ARHGAP15: variants seen among roughly 807,000 people sequenced by gnomAD.
ARHGAP15 encodes the protein rho GTPase-activating protein 15.
In ARHGAP15, 51 loss-of-function variants were observed where a neutral mutation model predicts 63.7. That is an observed-to-expected ratio of 0.80 (90% CI 0.64 to 1.01). The LOEUF (loss-of-function observed/expected upper bound fraction) is 1.01. Ranked by LOEUF, ARHGAP15 falls within the 50% of genes least tolerant of loss-of-function variation. The pLI is 0.00. For synonymous variants in ARHGAP15, 191 were observed against 193.8 expected, an observed-to-expected ratio of 0.99 and a Z score of 0.12; for missense variants, 560 against 564.6, an observed-to-expected ratio of 0.99 and a Z score of 0.08.
intron 9 of ARHGAP15, among the ~76,000 whole-genome samples, chr2:143,505,967 T>TC (rs1189971035): frequency 6.6e-6 from 1 of 152,194 alleles, no homozygotes; most frequent in East Asian, 1.9e-4. Context: ...TGAAAGAGAC[T>TC]CCATTATTGA....
At position 143,587,794 on chromosome 2, in the gene ARHGAP15, A is replaced by G. The variant is rs768913792; in HGVS notation, c.1003+31309A>G. 95 of 467,666 alleles carry G rather than the reference A, an allele frequency of 2.0e-4. 1 individual carries two copies. The highest frequency in any genetic ancestry group is 2.2e-4 in the Non-Finnish European group (50 of 225,860). 29.0% of individuals were successfully genotyped at this position (467,666 alleles called of 1,614,324 possible). ...GTCATTTGACCTCCAGAGCAAGCCA[A>G]TAATTTGTCACTTCATTAAACTGGT... On this transcript the variant is annotated intron_variant, in intron 11 of 13. Coordinates refer to ENST00000295095, the MANE Select transcript of ARHGAP15 (RefSeq NM_018460.4).
intron 2 of ARHGAP15, among the ~76,000 whole-genome samples, chr2:143,189,510 T>A (rs1189718623): frequency 6.9e-6 from 1 of 145,162 alleles, no homozygotes; most frequent in African/African-American, 2.6e-5. Context: ...TTCTTTTTTT[T>A]TTTTTTGGGA....
chr2:143,178,700 C>A (rs1691105912), intron 2 of ARHGAP15, among the ~76,000 whole-genome samples: 2 of 152,112 alleles, frequency 1.3e-5, no homozygotes, highest in Non-Finnish European at 2.9e-5. Context: ...CTCAAGCAAT[C>A]CTCCCGCCTC....
rs1553470686 is a variant in ARHGAP15 at position 143,373,001 on chromosome 2, AAT to A, written c.475-62599_475-62598del. Among the ~76,000 whole-genome samples, 568 of 150,518 alleles carry A rather than the reference AAT, an allele frequency of 3.8e-3. 4 individuals carry two copies. The highest frequency in any genetic ancestry group is 0.013 in the African/African-American group (518 of 40,902). ...TCTCCTCTTAAAAAAAAAAAAAAAAAATCTAGTGAGGGAGATACACATTTAAG... is the reference window on the plus strand; with the variant it reads ...TCTCCTCTTAAAAAAAAAAAAAAAAACTAGTGAGGGAGATACACATTTAAG... On this transcript the variant is annotated intron_variant, in intron 6 of 13. Coordinates refer to ENST00000295095, the MANE Select transcript of ARHGAP15 (RefSeq NM_018460.4).
At chr2:143,321,530 G>A (rs886071997) in intron 6 of ARHGAP15, among the ~76,000 whole-genome samples, 1 of 152,224 alleles carries the variant, frequency 6.6e-6, no homozygotes. Context: ...TGGCCTTGCC[G>A]TGGTCACCTG....
intron 6 of ARHGAP15, among the ~76,000 whole-genome samples, chr2:143,367,881 A>G (rs1686365028): frequency 6.6e-6 from 1 of 152,050 alleles, no homozygotes; most frequent in South Asian, 2.1e-4. Context: ...GCTTAACTAA[A>G]TAAATAATTA....
rs771763601 is a variant in ARHGAP15, at chr2:143,563,195, G to A, written c.1003+6710G>A. Among the ~76,000 whole-genome samples the A allele has an allele frequency of 2.6e-5, 4 of 152,286 alleles. No individual in the cohort carries two copies. In the South Asian group the frequency reaches 6.2e-4, roughly 24 times the overall value. On this transcript the variant is annotated intron_variant, in intron 11 of 13. Coordinates refer to ENST00000295095, the MANE Select transcript of ARHGAP15 (RefSeq NM_018460.4). ...CCAAAATGGGAAAAATAATGGAAAT[G>A]TGAGGACTTTAAAAAGTGAATCAGC...
intron 6 of ARHGAP15, among the ~76,000 whole-genome samples, chr2:143,308,707 C>T (rs1257069589): frequency 5.9e-5 from 9 of 151,698 alleles, no homozygotes; most frequent in East Asian, 5.8e-4. Context: ...GAGAAGTGCA[C>T]GTTAGTTATT....
At chr2:143,419,583 ATATGT>A (rs141942547) in intron 6 of ARHGAP15, among the ~76,000 whole-genome samples, 1,661 of 151,894 alleles carry the variant, frequency 0.011, 29 homozygotes, top group African/African-American at 0.039. Context: ...AGCCTTCATG[ATATGT>A]TAAAAAAAAT....
At chr2:143,577,161 A>T (rs1021239569) in intron 11 of ARHGAP15, among the ~76,000 whole-genome samples, 31 of 152,246 alleles carry the variant, frequency 2.0e-4, no homozygotes, top group Admixed American at 6.5e-4. Flanking sequence ...GAAAAAATAG[A>T]TGAAACCTAC....
chr2:143,260,893 A>G (rs1306633027), intron 6 of ARHGAP15, among the ~76,000 whole-genome samples: 1 of 152,156 alleles, frequency 6.6e-6, no homozygotes, highest in East Asian at 1.9e-4. Context: ...AAGGATATGA[A>G]CAACAACAAC....
Position 143,487,355 on chromosome 2 carries a change from A to AT in ARHGAP15, c.704-11dup, listed in dbSNP as rs746794987. ...AGGAGAAATTTACCAAAAGCCTCTG[A>AT]TTTTTTTAAATCTTCAGTGTTCAGA... On this transcript the variant is annotated splice_polypyrimidine_tract_variant and intron_variant, in intron 8 of 13. Transcript: ENST00000295095. The AT allele has an allele frequency of 1.7e-5, 27 of 1,588,232 alleles. No individual in the cohort carries two copies. The highest frequency in any genetic ancestry group is 3.4e-4 in the Middle Eastern group (2 of 5,914).
chr2:143,364,097 G>A (rs1686183652), intron 6 of ARHGAP15, among the ~76,000 whole-genome samples: 1 of 152,020 alleles, frequency 6.6e-6, no homozygotes, highest in South Asian at 2.1e-4. Flanking sequence ...ATTTGATGTT[G>A]TCTTAAGAGG....
chr2:143,518,974 C>G (rs2104982010), intron 9 of ARHGAP15: 1 of 199,648 alleles, frequency 5.0e-6, no homozygotes, highest in Admixed American at 5.7e-5. Flanking sequence ...AATTCTTTGT[C>G]TTTCCTTTAT....
intron 12 of ARHGAP15, among the ~76,000 whole-genome samples, chr2:143,686,724 A>G (rs977331543): frequency 6.6e-6 from 1 of 152,188 alleles, no homozygotes; most frequent in Non-Finnish European, 1.5e-5. Context: ...TCAGAAAGGA[A>G]TCCGAAGACA....
At chr2:143,613,876 A>C (rs1574710630) in intron 11 of ARHGAP15, among the ~76,000 whole-genome samples, 1 of 152,162 alleles carries the variant, frequency 6.6e-6, no homozygotes, top group Middle Eastern at 3.4e-3. Flanking sequence ...CCTACATGCT[A>C]CTGCCAGAGC....
In ARHGAP15 at chr2:143,443,682, ATGT is replaced by A. The variant is rs567274626; in HGVS notation, c.703+6645_703+6647del. The stretch of plus-strand genomic sequence containing the variant: ...AATTGAAAAATTATAAATGACATTT[ATGT>A]TGTTAAAGCTGCAAGATGTAAACAT... On this transcript the variant is annotated intron_variant, in intron 8 of 13. Transcript: ENST00000295095. 2.0e-3 allele frequency among the ~76,000 whole-genome samples: 309 copies of A among 152,324 alleles called. 1 individual carries two copies. Among genetic ancestry groups the A allele is most frequent in the African/African-American group, 7.2e-3 (298 of 41,582 alleles).
At chr2:143,163,516 T>C (rs1489355844) in intron 2 of ARHGAP15, among the ~76,000 whole-genome samples, 1 of 151,926 alleles carries the variant, frequency 6.6e-6, no homozygotes, top group Non-Finnish European at 1.5e-5. Flanking sequence ...AATAATAACA[T>C]ATATATTTAC....
chr2:143,515,276 C>T (rs377152904), intron 9 of ARHGAP15, among the ~76,000 whole-genome samples: 2 of 130,972 alleles, frequency 1.5e-5, no homozygotes, highest in East Asian at 4.7e-4. Flanking sequence ...TACTAAAAAA[C>T]CACAATCACT....
Sources: gnomAD v4.1 joint callset for allele counts (sites outside exome capture counted in the v4.1 genomes callset) on GRCh38, gnomAD v4.1.1 for gene constraint, MANE v1.5 for transcripts, NCBI Gene and HGNC (gene_info 2026-07-23, HGNC 2026-07-21) for gene names.